Variants in NBEA observed in about 807,000 individuals in gnomAD.
NBEA encodes the protein lysosomal-trafficking regulator 2.
A neutral mutation model predicts 343.4 loss-of-function variants in NBEA; 44 were observed. The observed-to-expected ratio is 0.13, with a 90% confidence interval of 0.10 to 0.16. The LOEUF is 0.16. Ranked by LOEUF, NBEA falls within the 10% of genes least tolerant of loss-of-function variation. NBEA has a pLI of 1.00. For missense variants in NBEA, 2,555 were observed against 3,631.3 expected (o/e 0.70, Z 7.62); for synonymous variants, 1,175 against 1,238.7 (o/e 0.95, Z 1.08).
At position 35,598,024 on chromosome 13, in the gene NBEA, T is replaced by C. The variant is rs747374619; in HGVS notation, c.7296+4577T>C. Among the ~76,000 whole-genome samples, 87 of 152,290 alleles carry C rather than the reference T, an allele frequency of 5.7e-4. 1 individual carries two copies. The highest frequency in any genetic ancestry group is 1.2e-3 in the Non-Finnish European group (80 of 68,024). On this transcript the variant is annotated intron_variant, in intron 47 of 58. Transcript: ENST00000379939. Reference sequence around the variant, plus strand: ...TCTTACATGTAAAATATACTCAACTTGTTCCCCACAAGTCCCATCCCAGTA... The same window carrying C: ...TCTTACATGTAAAATATACTCAACTCGTTCCCCACAAGTCCCATCCCAGTA...
chr13:35,282,002 T>G (rs1317120333), intron 34 of NBEA, among the ~76,000 whole-genome samples: 1 of 151,890 alleles, frequency 6.6e-6, no homozygotes, highest in South Asian at 2.1e-4. Context: ...AAGCTCCACC[T>G]TCCGGGTTCA....
At chr13:35,244,304 TGAG>T (rs2030841703) in intron 34 of NBEA, among the ~76,000 whole-genome samples, 1 of 151,962 alleles carries the variant, frequency 6.6e-6, no homozygotes, top group Non-Finnish European at 1.5e-5. Flanking sequence ...AGGTGAGAGA[TGAG>T]GATCAAGTTT....
At chr13:34,986,564 A>C (rs1030317684) in intron 1 of NBEA, among the ~76,000 whole-genome samples, 4 of 150,748 alleles carry the variant, frequency 2.7e-5, no homozygotes, top group African/African-American at 9.7e-5. Flanking sequence ...CTTGGTGCAG[A>C]GCTGAGTTCA....
intron 10 of NBEA, among the ~76,000 whole-genome samples, chr13:35,083,750 A>G (rs2064560531): frequency 6.6e-6 from 1 of 152,178 alleles, no homozygotes; most frequent in South Asian, 2.1e-4. Flanking sequence ...TCAAATTGAT[A>G]CATAACAATA....
chr13:35,391,221 G>A (rs377347497), intron 38 of NBEA, among the ~76,000 whole-genome samples: 15 of 151,286 alleles, frequency 9.9e-5, no homozygotes, highest in African/African-American at 3.6e-4. Context: ...GTTGCAGTGA[G>A]TTGAGACTGT....
intron 38 of NBEA, among the ~76,000 whole-genome samples, chr13:35,383,717 A>C (rs566543952): frequency 6.6e-6 from 1 of 152,120 alleles, no homozygotes; most frequent in Non-Finnish European, 1.5e-5. Flanking sequence ...ATGGAAGGAT[A>C]TAGTATATAA....
chr13:35,338,309 G>A (rs1197541551), intron 36 of NBEA, among the ~76,000 whole-genome samples: 2 of 151,778 alleles, frequency 1.3e-5, no homozygotes, highest in African/African-American at 4.8e-5. Context: ...GATTATAAGG[G>A]AATACTTACT....
chr13:35,608,010 G>A (rs372721615), intron 48 of NBEA, among the ~76,000 whole-genome samples: 13 of 151,896 alleles, frequency 8.6e-5, no homozygotes, highest in African/African-American at 3.1e-4. Context: ...CCCTCCTCTC[G>A]ATTTTCTGTC....
At position 35,337,294 on chromosome 13, in the gene NBEA, C is replaced by G. The variant is rs777168469; in HGVS notation, c.5904-11814C>G. Reference sequence around the variant, plus strand: ...AAACAGATTAATAGACACAAACAGGCTGACAGAAAAATGATTTTAAAACGT... The same window carrying G: ...AAACAGATTAATAGACACAAACAGGGTGACAGAAAAATGATTTTAAAACGT... On this transcript the variant is annotated intron_variant, in intron 36 of 58. Coordinates refer to ENST00000379939, the MANE Select transcript of NBEA (RefSeq NM_001385012.1). 1.1e-3 allele frequency among the ~76,000 whole-genome samples: 164 copies of G among 151,926 alleles called. 5 individuals carry two copies. Among genetic ancestry groups the G allele is most frequent in the Non-Finnish European group, 2.6e-4 (18 of 67,956 alleles).
At position 35,211,045 on chromosome 13, in the gene NBEA, G is replaced by T; in HGVS notation, c.5522-8G>T. The stretch of plus-strand genomic sequence containing the variant: ...GTTTAAGGCTAAAAATTATTATTTT[G>T]GGAACAGGTGCCGTGGATTCAGGGT... On this transcript the variant is annotated splice_polypyrimidine_tract_variant and splice_region_variant and intron_variant, in intron 32 of 58. Transcript: ENST00000379939. The T allele has an allele frequency of 1.3e-6, 2 of 1,546,150 alleles. No individual in the cohort carries two copies. Among genetic ancestry groups the T allele is most frequent in the South Asian group, 2.4e-5 (2 of 82,340 alleles).
At chr13:35,298,172 A>T (rs892788089) in intron 35 of NBEA, among the ~76,000 whole-genome samples, 3 of 138,088 alleles carry the variant, frequency 2.2e-5, no homozygotes, top group East Asian at 2.0e-4. Flanking sequence ...ATACATAGCC[A>T]GTGTGTGTGT....
At chr13:34,988,169 C>A (rs576050957) in intron 1 of NBEA, among the ~76,000 whole-genome samples, 1 of 150,884 alleles carries the variant, frequency 6.6e-6, no homozygotes, top group Admixed American at 6.6e-5. Flanking sequence ...CTGGAAGGTT[C>A]GTCCCAGAGG....
At chr13:35,652,436 C>G (rs1367547003) in intron 53 of NBEA, among the ~76,000 whole-genome samples, 3 of 150,916 alleles carry the variant, frequency 2.0e-5, no homozygotes, top group East Asian at 4.0e-4. Context: ...GTCAGGAGAT[C>G]GAGACCATCC....
chr13:35,481,574 A>T (rs1028893874), intron 41 of NBEA, among the ~76,000 whole-genome samples: 1 of 151,908 alleles, frequency 6.6e-6, no homozygotes, highest in Non-Finnish European at 1.5e-5. Flanking sequence ...TCATTCATTT[A>T]TTGAATACTG....
intron 13 of NBEA, among the ~76,000 whole-genome samples, chr13:35,114,918 A>G (rs1042666500): frequency 1.3e-4 from 20 of 152,108 alleles, no homozygotes; most frequent in Admixed American, 1.3e-3. Context: ...TTTTAAGGAC[A>G]CTCTAAAGAT....
At chr13:35,495,505 C>A (rs1324673466) in intron 41 of NBEA, among the ~76,000 whole-genome samples, 1 of 152,024 alleles carries the variant, frequency 6.6e-6, no homozygotes, top group Admixed American at 6.6e-5. Flanking sequence ...CCTCAATTTA[C>A]AAGGGTGTTG....
chr13:35,240,579 C>A (rs188533845), intron 34 of NBEA, among the ~76,000 whole-genome samples: 1 of 151,806 alleles, frequency 6.6e-6, no homozygotes, highest in Non-Finnish European at 1.5e-5. Flanking sequence ...TTCTGCAATA[C>A]AAATTGAGTT....
chr13:35,031,397 G>C (rs992349272), intron 1 of NBEA, among the ~76,000 whole-genome samples: 1 of 151,684 alleles, frequency 6.6e-6, no homozygotes, highest in East Asian at 1.9e-4. Context: ...ATATCTAATA[G>C]AGTGTATGAT....
intron 33 of NBEA, among the ~76,000 whole-genome samples, chr13:35,221,162 A>G (rs1408271136): frequency 6.6e-6 from 1 of 151,996 alleles, no homozygotes; most frequent in African/African-American, 2.4e-5. Flanking sequence ...TGACCTTCAT[A>G]GTGAAACCCC....
Sources: gnomAD v4.1 joint callset for allele counts (sites outside exome capture counted in the v4.1 genomes callset) on GRCh38, gnomAD v4.1.1 for gene constraint, MANE v1.5 for transcripts, NCBI Gene and HGNC (gene_info 2026-07-23, HGNC 2026-07-21) for gene names.